The following IMMP2L variants were observed in gnomAD, a reference collection of about 807,000 sequenced individuals.
The protein encoded by IMMP2L is inner mitochondrial membrane peptidase subunit 2.
In IMMP2L, 18 loss-of-function variants were observed where a neutral mutation model predicts 19.3. That is an observed-to-expected ratio of 0.93 (90% CI 0.64 to 1.38). The LOEUF is 1.38. Ranked by LOEUF, IMMP2L falls within the 40% of genes most tolerant of loss-of-function variation. IMMP2L has a pLI of 0.00. For missense variants in IMMP2L, 233 were observed against 218.2 expected (o/e 1.07, Z -0.43); for synonymous variants, 76 against 73.0 (o/e 1.04, Z -0.21).
At chr7:110,942,206 T>C (rs747365286) in intron 4 of IMMP2L, among the ~76,000 whole-genome samples, 5 of 151,968 alleles carry the variant, frequency 3.3e-5, no homozygotes, top group Non-Finnish European at 4.4e-5. Context: ...AATATTAACA[T>C]AATGTGGGAA....
intron 5 of IMMP2L, among the ~76,000 whole-genome samples, chr7:110,744,411 G>A (rs943267142): frequency 6.6e-6 from 1 of 152,216 alleles, no homozygotes; most frequent in African/African-American, 2.4e-5. Context: ...GGGACAGACT[G>A]CCTCCTCAAG....
chr7:110,723,301 C>A (rs988064827), intron 5 of IMMP2L, among the ~76,000 whole-genome samples: 1 of 152,118 alleles, frequency 6.6e-6, no homozygotes, highest in Non-Finnish European at 1.5e-5. Context: ...AAGTCACTGC[C>A]ACACCAGCTA....
At chr7:111,488,719 ATTGC>A (rs1334434342) in intron 2 of IMMP2L, among the ~76,000 whole-genome samples, 1 of 152,082 alleles carries the variant, frequency 6.6e-6, no homozygotes, top group Non-Finnish European at 1.5e-5. Flanking sequence ...GATACCTAGT[ATTGC>A]TAGGGACTGC....
chr7:110,808,031 T>C (rs1801747716), intron 5 of IMMP2L, among the ~76,000 whole-genome samples: 1 of 152,044 alleles, frequency 6.6e-6, no homozygotes, highest in Admixed American at 6.6e-5. Flanking sequence ...AAATTTTACC[T>C]TAAAAAAAGA....
chr7:111,409,121 A>C (rs1834149051), intron 3 of IMMP2L, among the ~76,000 whole-genome samples: 1 of 151,806 alleles, frequency 6.6e-6, no homozygotes. Context: ...GAAACTTTGT[A>C]ATTAATTTTT....
At chr7:110,817,793 C>A (rs1181156512) in intron 5 of IMMP2L, among the ~76,000 whole-genome samples, 1 of 152,036 alleles carries the variant, frequency 6.6e-6, no homozygotes. Flanking sequence ...GAACAGAGAC[C>A]TCAGAAATAA....
At chr7:111,144,087 T>C (rs1294678979) in intron 3 of IMMP2L, among the ~76,000 whole-genome samples, 2 of 152,186 alleles carry the variant, frequency 1.3e-5, no homozygotes, top group Admixed American at 6.6e-5. Flanking sequence ...AAACCCATCA[T>C]GTTGTGACAA....
chr7:110,737,934 C>T (rs911082284), intron 5 of IMMP2L, among the ~76,000 whole-genome samples: 7 of 152,104 alleles, frequency 4.6e-5, no homozygotes, highest in African/African-American at 9.7e-5. Context: ...AGCTCTGCTG[C>T]GTGGCTAGAC....
At chr7:111,063,826 G>C (rs910868748) in intron 3 of IMMP2L, among the ~76,000 whole-genome samples, 1 of 152,124 alleles carries the variant, frequency 6.6e-6, no homozygotes, top group African/African-American at 2.4e-5. Flanking sequence ...GACCACCTCA[G>C]CCTGGACCTT....
At chr7:111,538,477 C>A (rs1180103798) in intron 1 of IMMP2L, among the ~76,000 whole-genome samples, 1 of 151,744 alleles carries the variant, frequency 6.6e-6, no homozygotes, top group African/African-American at 2.4e-5. Flanking sequence ...AGAAATTATA[C>A]TTATGCTGTA....
chr7:111,229,330 T>A (rs1813467485), intron 3 of IMMP2L, among the ~76,000 whole-genome samples: 1 of 152,074 alleles, frequency 6.6e-6, no homozygotes, highest in Non-Finnish European at 1.5e-5. Context: ...GGATAGTAAG[T>A]GATACGTATG....
chr7:110,842,167 A>C (rs1302513840), intron 5 of IMMP2L, among the ~76,000 whole-genome samples: 1 of 152,154 alleles, frequency 6.6e-6, no homozygotes, highest in East Asian at 1.9e-4. Flanking sequence ...TTTCCTAACT[A>C]TTTGGGGATT....
chr7:111,361,289 T>C (rs767357880), intron 3 of IMMP2L, among the ~76,000 whole-genome samples: 5 of 152,146 alleles, frequency 3.3e-5, no homozygotes, highest in African/African-American at 4.8e-5. Flanking sequence ...TTATTCTCAC[T>C]GCTACCATTA....
At chr7:110,886,918 A>G (rs1267318100) in intron 4 of IMMP2L, among the ~76,000 whole-genome samples, 1 of 152,180 alleles carries the variant, frequency 6.6e-6, no homozygotes, top group Non-Finnish European at 1.5e-5. Flanking sequence ...TTTTGTGCTT[A>G]GATGAAATGT....
intron 3 of IMMP2L, among the ~76,000 whole-genome samples, chr7:111,422,294 T>G (rs1835639146): frequency 6.6e-6 from 1 of 151,898 alleles, no homozygotes; most frequent in Admixed American, 6.6e-5. Context: ...TGGCATTGAA[T>G]CAATAAATTA....
intron 3 of IMMP2L, among the ~76,000 whole-genome samples, chr7:111,094,231 C>T (rs373951243): frequency 2.2e-4 from 34 of 151,986 alleles, no homozygotes; most frequent in African/African-American, 2.9e-4. Context: ...GCTCTATAAC[C>T]GGAGTTTCGT....
chr7:111,114,555 G>A (rs1319033616), intron 3 of IMMP2L, among the ~76,000 whole-genome samples: 1 of 151,900 alleles, frequency 6.6e-6, no homozygotes, highest in African/African-American at 2.4e-5. Flanking sequence ...GGCCAACATG[G>A]TGAAACCCCA....
Position 111,256,794 on chromosome 7 carries a change from T to C in IMMP2L, c.239+230444A>G, listed in dbSNP as rs182507670. 6.9e-4 allele frequency among the ~76,000 whole-genome samples: 105 copies of C among 152,152 alleles called. 1 individual carries two copies. Among genetic ancestry groups the C allele is most frequent in the Admixed American group, 6.3e-3 (96 of 15,260 alleles). On this transcript the variant is annotated intron_variant, in intron 3 of 5. Transcript: ENST00000405709. ...ACATTAAATTATCATATACTGTGAATTCACACCCTCTGAGAAAAAACATTT... is the reference window on the plus strand; with the variant it reads ...ACATTAAATTATCATATACTGTGAACTCACACCCTCTGAGAAAAAACATTT...
At chr7:110,672,305 G>A (rs546520242) in intron 5 of IMMP2L, among the ~76,000 whole-genome samples, 5 of 152,138 alleles carry the variant, frequency 3.3e-5, no homozygotes, top group South Asian at 4.2e-4. Flanking sequence ...AAAAGCATGA[G>A]GGTGATTGAC....
Sources: gnomAD v4.1 joint callset for allele counts (sites outside exome capture counted in the v4.1 genomes callset) on GRCh38, gnomAD v4.1.1 for gene constraint, MANE v1.5 for transcripts, NCBI Gene and HGNC (gene_info 2026-07-23, HGNC 2026-07-21) for gene names.